MARCHF5: variants seen among roughly 807,000 people sequenced by gnomAD.
MARCHF5 encodes the protein membrane associated ring-CH-type finger 5.
In MARCHF5, 5 loss-of-function variants were observed where a neutral mutation model predicts 36.5. That is an observed-to-expected ratio of 0.14 (90% CI 0.07 to 0.29). The LOEUF (loss-of-function observed/expected upper bound fraction) is 0.29. MARCHF5 is among the 10% of genes least tolerant of loss of function. MARCHF5 has a pLI of 1.00. For missense variants in MARCHF5, 179 were observed against 336.3 expected, an observed-to-expected ratio of 0.53 and a Z score of 3.66; for synonymous variants, 103 against 109.9, an observed-to-expected ratio of 0.94 and a Z score of 0.39.
At chr10:92,309,392 A>G (rs1046529627) in intron 1 of MARCHF5, among the ~76,000 whole-genome samples, 10 of 152,306 alleles carry the variant, frequency 6.6e-5, no homozygotes, top group African/African-American at 2.4e-4. Context: ...CCTAGTCCTA[A>G]CATTGTATTT....
chr10:92,328,314 CA>C (rs1428574515), intron 2 of MARCHF5, among the ~76,000 whole-genome samples: 10 of 150,980 alleles, frequency 6.6e-5, no homozygotes, highest in Non-Finnish European at 1.2e-4. Flanking sequence ...TAGTGTTTGC[CA>C]CATTTCTCCA....
At position 92,295,407 on chromosome 10, in the gene MARCHF5, A is replaced by ATT. The variant is rs1474666242; in HGVS notation, c.35+3883_35+3884dup. On this transcript the variant is annotated intron_variant, in intron 1 of 5. Coordinates refer to ENST00000358935, the MANE Select transcript of MARCHF5 (RefSeq NM_017824.5). The stretch of plus-strand genomic sequence containing the variant: ...ACTTCTTTTATTTATTTATTTATTT[A>ATT]TTTTTTATTTTTTTTTTTGAGACAG... Among the ~76,000 whole-genome samples the ATT allele has an allele frequency of 1.2e-3, 91 of 77,938 alleles. 1 individual carries two copies. The highest frequency in any genetic ancestry group is 1.6e-3 in the Non-Finnish European group (61 of 38,862). The allele number at this position is 77,938 out of a possible 152,430, so 51.1% of individuals were successfully genotyped here.
intron 3 of MARCHF5, 26 bp from the exon 4 acceptor site, chr10:92,349,323 T>C: frequency 6.6e-7 from 1 of 1,505,582 alleles, no homozygotes; most frequent in South Asian, 1.3e-5. Context: ...AAGAAGTAAT[T>C]CTAATATATG....
rs548559689 is a variant in MARCHF5 at position 92,333,115 on chromosome 10, G to A, written c.239-7558G>A. ...GCGGAGGATGCGGTGAGCCAAGATC[G>A]CACCATTGCACTCCAGCCTGGGCAA... On this transcript the variant is annotated intron_variant, in intron 2 of 5. Transcript: ENST00000358935. 4.7e-5 allele frequency among the ~76,000 whole-genome samples: 7 copies of A among 148,642 alleles called. No individual in the cohort carries two copies. In the South Asian group the frequency reaches 8.5e-4, roughly 18 times the overall value.
intron 3 of MARCHF5, among the ~76,000 whole-genome samples, chr10:92,344,420 A>G (rs1057278427): frequency 3.9e-5 from 6 of 152,362 alleles, no homozygotes; most frequent in South Asian, 2.1e-4. Flanking sequence ...AGCAAAAACT[A>G]TAGTACACAT....
chr10:92,320,078 G>A (rs1002310699), intron 2 of MARCHF5, among the ~76,000 whole-genome samples: 2 of 150,546 alleles, frequency 1.3e-5, no homozygotes, highest in Admixed American at 6.6e-5. Context: ...TATAGAGACA[G>A]GGTCTTACTG....
At chr10:92,323,906 G>A (rs951421028) in intron 2 of MARCHF5, among the ~76,000 whole-genome samples, 3 of 152,110 alleles carry the variant, frequency 2.0e-5, no homozygotes, top group African/African-American at 7.2e-5. Flanking sequence ...CAACTCATTG[G>A]GGTAAATACC....
At chr10:92,325,476 C>G (rs1481862462) in intron 2 of MARCHF5, among the ~76,000 whole-genome samples, 1 of 152,154 alleles carries the variant, frequency 6.6e-6, no homozygotes, top group African/African-American at 2.4e-5. Context: ...ATTGTTAGGT[C>G]AAGTGCACAT....
chr10:92,320,214 T>G (rs1413861061), intron 2 of MARCHF5, among the ~76,000 whole-genome samples: 1 of 90,586 alleles, frequency 1.1e-5, no homozygotes, highest in African/African-American at 6.8e-5. Context: ...CCACCAAACC[T>G]GGCTAATTTT....
chr10:92,293,003 T>C (rs536724691), intron 1 of MARCHF5, among the ~76,000 whole-genome samples: 8 of 152,208 alleles, frequency 5.3e-5, no homozygotes, highest in Admixed American at 5.2e-4. Context: ...GCCAGTTCTA[T>C]TCTGTTGAGA....
At chr10:92,336,870 C>T (rs1352692319) in intron 2 of MARCHF5, among the ~76,000 whole-genome samples, 1 of 152,160 alleles carries the variant, frequency 6.6e-6, no homozygotes, top group Non-Finnish European at 1.5e-5. Context: ...CTGCTGTAAT[C>T]CCAGCACTTT....
intron 1 of MARCHF5, among the ~76,000 whole-genome samples, chr10:92,295,084 T>A (rs541034954): frequency 6.6e-6 from 1 of 152,176 alleles, no homozygotes; most frequent in Non-Finnish European, 1.5e-5. Flanking sequence ...TTTACACTTA[T>A]TGAATTTATT....
At chr10:92,319,796 A>G (rs1843267349) in intron 2 of MARCHF5, among the ~76,000 whole-genome samples, 2 of 149,948 alleles carry the variant, frequency 1.3e-5, no homozygotes, top group African/African-American at 4.9e-5. Context: ...CTGGGATTAC[A>G]GGCACCTGCC....
chr10:92,331,941 G>GTATATATATGTATATATATAATCGTA (rs1564951036), intron 2 of MARCHF5, among the ~76,000 whole-genome samples: 38 of 129,938 alleles, frequency 2.9e-4, no homozygotes, highest in Middle Eastern at 4.3e-3. Context: ...ATATATAATC[G>GTATATATATGTATATATATAATCGTA]TATATATATG....
chr10:92,301,400 A>G (rs1843009863), intron 1 of MARCHF5, among the ~76,000 whole-genome samples: 1 of 152,248 alleles, frequency 6.6e-6, no homozygotes, highest in Non-Finnish European at 1.5e-5. Flanking sequence ...TACACTATAC[A>G]TAGGGCAGCA....
At chr10:92,313,372 A>G (rs1034416698) in intron 2 of MARCHF5, among the ~76,000 whole-genome samples, 3 of 150,126 alleles carry the variant, frequency 2.0e-5, no homozygotes, top group Admixed American at 6.6e-5. Context: ...TGGGAGGCCA[A>G]GGCTGGCAGA....
chr10:92,350,061 T>A, intron 5 of MARCHF5: 1 of 486,240 alleles, frequency 2.1e-6, no homozygotes, highest in Non-Finnish European at 3.6e-6. Context: ...CTTTCTCTCC[T>A]GGCATATGCA....
At chr10:92,345,147 GTACT>G (rs1366764136) in intron 3 of MARCHF5, among the ~76,000 whole-genome samples, 3 of 150,742 alleles carry the variant, frequency 2.0e-5, no homozygotes, top group Admixed American at 2.0e-4. Context: ...CTTAATTACA[GTACT>G]TACTTATCCT....
chr10:92,307,569 A>AT (rs1564944315), intron 1 of MARCHF5, among the ~76,000 whole-genome samples: 12 of 151,448 alleles, frequency 7.9e-5, no homozygotes, highest in Admixed American at 1.3e-4. Context: ...CTAAAAAAAA[A>AT]ATTTTTTTTT....
Sources: allele counts gnomAD v4.1 joint callset (sites outside exome capture counted in the v4.1 genomes callset), GRCh38; gene constraint gnomAD v4.1.1; transcripts MANE v1.5; gene names NCBI Gene and HGNC (gene_info 2026-07-23, HGNC 2026-07-21).